Variants in ITPR3 observed in about 807,000 individuals in gnomAD.
The protein encoded by ITPR3 is inositol 1,4,5-trisphosphate receptor type 3, also known as inositol 1,4,5-trisphosphate-gated calcium channel ITPR3.
A neutral mutation model predicts 293.2 loss-of-function variants in ITPR3; 173 were observed. The ratio of observed to expected loss-of-function variants is 0.59; its 90% CI spans 0.52 to 0.67. The LOEUF is 0.67. Ranked by LOEUF, ITPR3 falls within the 30% of genes least tolerant of loss-of-function variation. The pLI is 0.00. For synonymous variants in ITPR3, 1,295 were observed against 1,444.4 expected (o/e 0.90, Z 2.35); for missense variants, 2,796 against 3,592.1 (o/e 0.78, Z 5.66).
chr6:33,625,671 T>TC (rs5875455), intron 1 of ITPR3, among the ~76,000 whole-genome samples: 146,331 of 152,248 alleles, frequency 0.96, 70,468 homozygotes, highest in East Asian at 1. Context: ...CCTTGGAGCC[T>TC]ATTTGGAGCT....
At chr6:33,636,160 G>C (rs935045842) in intron 1 of ITPR3, among the ~76,000 whole-genome samples, 1 of 149,226 alleles carries the variant, frequency 6.7e-6, no homozygotes, top group African/African-American at 2.5e-5. Flanking sequence ...AAATTAGCTG[G>C]GCATGGTGGC....
At chr6:33,668,434 G>C in intron 16 of ITPR3, 81 bp from the exon 17 acceptor site, 1 of 1,580,916 alleles carries the variant, frequency 6.3e-7, no homozygotes, top group Non-Finnish European at 8.6e-7. Flanking sequence ...CTGCCAGCTG[G>C]GGAAGGGGAA....
rs780417394 is a variant in ITPR3 at position 33,673,711 on chromosome 6, G to A, written c.3049G>A (p.Asp1017Asn). 5.0e-6 allele frequency: 8 copies of A among 1,614,042 alleles called. No homozygotes were observed. The highest frequency in any genetic ancestry group is 4.5e-5 in the East Asian group (2 of 44,880). ...SGADGTAPAF[D>N]STTANMNLDR... ...GGCTGATGGCACAGCCCCTGCCTTC[G>A]ACTCTACCAGTAAGCCCCTGCCCTG... Residue 1017 changes from aspartate (D) to asparagine (N), a missense_variant, in exon 23 of 58, where the codon GAC (aspartate) becomes AAC (asparagine). Transcript: ENST00000605930.
chr6:33,653,295 T>G (rs1269838186), intron 2 of ITPR3, among the ~76,000 whole-genome samples: 4 of 121,582 alleles, frequency 3.3e-5, no homozygotes, highest in Non-Finnish European at 7.1e-5. Flanking sequence ...TTTTTTTTTT[T>G]GTAAAGACAG....
chr6:33,664,431 G>A lies in ITPR3; in HGVS notation c.1149-439G>A, dbSNP rs1235449682. Among the ~76,000 whole-genome samples, 1 of 152,168 alleles carries A rather than the reference G, an allele frequency of 6.6e-6. No homozygotes were observed. The highest frequency in any genetic ancestry group is 1.5e-5 in the Non-Finnish European group (1 of 68,036). ...AAACTCTTGGGGGTAGATGGATTTG[G>A]TATTCAGATTGTTTTTCATTTTAGA... On this transcript the variant is annotated intron_variant, in intron 11 of 57. Transcript: ENST00000605930. This position sits in a 1 kb window ranked among gnomAD's most constrained non-coding sequence, Gnocchi z 4.4.
At chr6:33,648,337 A>G (rs1764115092) in intron 2 of ITPR3, among the ~76,000 whole-genome samples, 1 of 151,860 alleles carries the variant, frequency 6.6e-6, no homozygotes, top group South Asian at 2.1e-4. Context: ...GAGTGTTAGG[A>G]TTACAGGCAT....
chr6:33,694,520 G>A (rs1037745554), intron 56 of ITPR3: 8 of 248,690 alleles, frequency 3.2e-5, no homozygotes, highest in African/African-American at 4.7e-5. Flanking sequence ...TCTGACTCGC[G>A]TCTTCCCGGG....
Position 33,672,287 on chromosome 6 carries a change from G to T in ITPR3, c.2928+59G>T. 1 of 1,402,090 alleles carries T rather than the reference G, an allele frequency of 7.1e-7. No homozygotes were observed. The highest frequency in any genetic ancestry group is 1.0e-6 in the Non-Finnish European group (1 of 997,630). The allele number at this position is 1,402,090 out of a possible 1,614,324, so 86.9% of individuals were successfully genotyped here. A position where few individuals can be genotyped will look rare whatever the true frequency, so the allele number is the denominator to read the frequency against. On this transcript the variant is annotated intron_variant, in intron 22 of 57. Transcript: ENST00000605930. The surrounding 1 kb of genome is among the most constrained non-coding windows in gnomAD (Gnocchi z 5.0). ...GTATAGGGGGAGGGTAATGGGGCGG[G>T]TACAGGGAGGCTGGGCAGGGCGAAC...
Position 33,693,532 on chromosome 6 carries a change from T to C in ITPR3, c.7625-13T>C. 6.2e-7 allele frequency: 1 copy of C among 1,613,470 alleles called. No homozygotes were observed. The highest frequency in any genetic ancestry group is 1.1e-5 in the South Asian group (1 of 91,006). On this transcript the variant is annotated splice_polypyrimidine_tract_variant and intron_variant, in intron 55 of 57. Coordinates refer to ENST00000605930, the MANE Select transcript of ITPR3 (RefSeq NM_002224.4). The stretch of plus-strand genomic sequence containing the variant: ...AAGGCTGATGGTTTCATTCCCGCCC[T>C]CTGCACCCTCAGGTCTGGAGAGGGA...
chr6:33,686,467 A>T lies in ITPR3; in HGVS notation c.5927A>T (p.Asn1976Ile), dbSNP rs768980707. 7.4e-6 allele frequency: 12 copies of T among 1,614,204 alleles called. No individual in the cohort carries two copies. The South Asian group carries it at 1.3e-4, about 18-fold the overall frequency. Residue 1976 changes from asparagine (N) to isoleucine (I), a missense_variant, in exon 43 of 58, where the codon AAT (asparagine) becomes ATT (isoleucine). Asn to Ile is a moderately radical substitution (Grantham distance 149). Coordinates refer to ENST00000605930, the MANE Select transcript of ITPR3 (RefSeq NM_002224.4). ...GIDIITALIL[N>I]DISPLCKYRM... ...GACATCATCACCGCACTGATCCTCA[A>T]TGACATCAGCCCCCTGTGCAAGTAC...
At chr6:33,694,702 A>T in intron 56 of ITPR3, 1 of 554,926 alleles carries the variant, frequency 1.8e-6, no homozygotes, top group Admixed American at 3.4e-5. Context: ...GCCTAACGGA[A>T]GTCAGCCTGT....
chr6:33,685,353 C>T lies in ITPR3; in HGVS notation c.5308-6C>T, dbSNP rs763772789. On this transcript the variant is annotated splice_region_variant and splice_polypyrimidine_tract_variant and intron_variant, in intron 39 of 57. Coordinates refer to ENST00000605930, the MANE Select transcript of ITPR3 (RefSeq NM_002224.4). ...AGGTTGTTCCCTGGCCACTGTCCAC[C>T]TCCAGAAATCCTTCCACAACCTGAT... 3.7e-6 allele frequency: 6 copies of T among 1,606,646 alleles called. No individual in the cohort carries two copies. Among genetic ancestry groups the T allele is most frequent in the Non-Finnish European group, 4.3e-6 (5 of 1,173,926 alleles).
Position 33,658,734 on chromosome 6 carries a change from A to G in ITPR3, c.434A>G (p.Lys145Arg), listed in dbSNP as rs370503445. The G allele has an allele frequency of 7.4e-6, 12 of 1,614,222 alleles. No homozygotes were observed. Among genetic ancestry groups the G allele is most frequent in the Middle Eastern group, 1.7e-4 (1 of 6,060 alleles). The part of the protein sequence containing the change: ...VNKRLPALLE[K>R]NAMRVTLDAT... Reference sequence around the variant, plus strand: ...AAGCGGCTTCCGGCCTTGCTGGAGAAGAACGCCATGCGGGTGACTCTGGAT... The same window carrying G: ...AAGCGGCTTCCGGCCTTGCTGGAGAGGAACGCCATGCGGGTGACTCTGGAT... Residue 145 changes from lysine (K) to arginine (R), a missense_variant, in exon 5 of 58, where the codon AAG (lysine) becomes AGG (arginine). Coordinates refer to ENST00000605930, the MANE Select transcript of ITPR3 (RefSeq NM_002224.4). The surrounding 1 kb of genome is among the most constrained non-coding windows in gnomAD (Gnocchi z 6.1).
chr6:33,677,382 C>T (rs1039546754), intron 27 of ITPR3, 122 bp from the exon 28 acceptor site: 32 of 1,376,612 alleles, frequency 2.3e-5, no homozygotes, highest in Admixed American at 6.2e-5. Context: ...TCTGATTCAG[C>T]GCCTGTGACC....
rs1764652536 is a variant in ITPR3 at position 33,667,840 on chromosome 6, G to A, written c.1762G>A (p.Asp588Asn). The A allele has an allele frequency of 4.3e-6, 7 of 1,614,118 alleles. No individual in the cohort carries two copies. Among genetic ancestry groups the A allele is most frequent in the Non-Finnish European group, 4.2e-6 (5 of 1,180,020 alleles). The change falls in exon 16 of 58, where the codon GAC becomes AAC. Residue 588 changes from aspartate (D) to asparagine (N), a missense_variant. By Grantham distance (23) the Asp-to-Asn change is conservative (BLOSUM62 1). Around this residue, in one of 8 missense-constraint regions of ITPR3, gnomAD observed 955 missense variants for 1,180.8 expected, o/e 0.81. Transcript: ENST00000605930. This position sits in a 1 kb window ranked among gnomAD's most constrained non-coding sequence, Gnocchi z 4.4. ...FGMMQSQIGYDILAEDTITAL... is the reference protein window; with the variant it reads ...FGMMQSQIGYNILAEDTITAL... Reference sequence around the variant, plus strand: ...GATGATGCAGTCCCAGATTGGCTACGACATCCTGGCCGAGGACACCATCAC... The same window carrying A: ...GATGATGCAGTCCCAGATTGGCTACAACATCCTGGCCGAGGACACCATCAC...
chr6:33,655,846 AAGG>A lies in ITPR3; in HGVS notation c.244_246del (p.Glu82del), dbSNP rs778532227. 1.9e-6 allele frequency: 3 copies of A among 1,614,082 alleles called. No individual in the cohort carries two copies. Among genetic ancestry groups the A allele is most frequent in the Non-Finnish European group, 1.7e-6 (2 of 1,179,994 alleles). ...GAAGGCCAAGCAGACTAAGCAGGACAAGGAGAAGATCGCTGATGTGGTGTTGCT... is the reference window on the plus strand; with the variant it reads ...GAAGGCCAAGCAGACTAAGCAGGACAAGAAGATCGCTGATGTGGTGTTGCT... On this transcript the variant is annotated inframe_deletion, in exon 3 of 58. Coordinates refer to ENST00000605930, the MANE Select transcript of ITPR3 (RefSeq NM_002224.4). The surrounding 1 kb of genome is among the most constrained non-coding windows in gnomAD (Gnocchi z 4.9).
Position 33,658,900 on chromosome 6 carries a change from G to C in ITPR3, c.528+72G>C, listed in dbSNP as rs1764381480. 1 of 1,602,828 alleles carries C rather than the reference G, an allele frequency of 6.2e-7. No individual in the cohort carries two copies. The highest frequency in any genetic ancestry group is 1.7e-5 in the Admixed American group (1 of 59,516). ...GGCTTCTGTAGGGTCTTCGGTGTGG[G>C]GACTGGATAAGGGCATGCCCATTTC... On this transcript the variant is annotated intron_variant, in intron 5 of 57. Transcript: ENST00000605930. The surrounding 1 kb of genome is among the most constrained non-coding windows in gnomAD (Gnocchi z 6.1).
Position 33,685,373 on chromosome 6 carries a change from C to T in ITPR3, c.5322C>T (p.Asn1774=), listed in dbSNP as rs1046755615. The T allele has an allele frequency of 6.2e-7, 1 of 1,611,926 alleles. No homozygotes were observed. Among genetic ancestry groups the T allele is most frequent in the Non-Finnish European group, 8.5e-7 (1 of 1,178,302 alleles). The change falls in exon 40 of 58, where the codon AAC becomes AAT. Residue 1774 remains asparagine, a synonymous_variant. Transcript: ENST00000605930. ...GNTEIQKSFH[N]LMMSDKKSER... ...TCCACCTCCAGAAATCCTTCCACAA[C>T]CTGATGATGAGTGACAAGAAGTCAG...
In ITPR3 at chr6:33,667,716, G is replaced by T; in HGVS notation, c.1714-76G>T. 6.5e-7 allele frequency: 1 copy of T among 1,529,782 alleles called. No homozygotes were observed. The highest frequency in any genetic ancestry group is 8.9e-7 in the Non-Finnish European group (1 of 1,122,302). The allele number at this position is 1,529,782 out of a possible 1,614,324, so 94.8% of individuals were successfully genotyped here. On this transcript the variant is annotated intron_variant, in intron 15 of 57. Coordinates refer to ENST00000605930, the MANE Select transcript of ITPR3 (RefSeq NM_002224.4). The surrounding 1 kb of genome is among the most constrained non-coding windows in gnomAD (Gnocchi z 4.4). ...TGGGTCCTTACCTCGGGGTTTGGGG[G>T]CAGCGTTCCAGAGCAGAGCTGGGCC...
Sources: allele counts gnomAD v4.1 joint callset (sites outside exome capture counted in the v4.1 genomes callset), GRCh38; gene constraint gnomAD v4.1.1; regional missense constraint gnomAD v4.1.1; non-coding constraint Gnocchi (gnomAD v3.1); transcripts MANE v1.5; gene names NCBI Gene and HGNC (gene_info 2026-07-23, HGNC 2026-07-21).